The following NRG4 variants were observed in gnomAD, a reference collection of about 807,000 sequenced individuals.
The protein encoded by NRG4 is pro-neuregulin-4, membrane-bound isoform.
A neutral mutation model predicts 15.0 loss-of-function variants in NRG4; 10 were observed. The ratio of observed to expected loss-of-function variants is 0.67; its 90% CI spans 0.41 to 1.13. The LOEUF is 1.13. Among genes scored for constraint, NRG4 ranks in the 50% most tolerant of loss-of-function variants. NRG4 has a pLI of 0.00. For missense variants in NRG4, 139 were observed against 140.2 expected, an observed-to-expected ratio of 0.99 and a Z score of 0.04; for synonymous variants, 41 against 50.1, an observed-to-expected ratio of 0.82 and a Z score of 0.77.
chr15:75,982,454 G>C (rs2033643262), intron 3 of NRG4, among the ~76,000 whole-genome samples: 1 of 152,150 alleles, frequency 6.6e-6, no homozygotes, highest in African/African-American at 2.4e-5. Context: ...ACAATAAGTG[G>C]AATATGAGAG....
At chr15:75,958,603 C>G (rs1421008871) in intron 4 of NRG4, among the ~76,000 whole-genome samples, 2 of 152,146 alleles carry the variant, frequency 1.3e-5, no homozygotes, top group African/African-American at 4.8e-5. Flanking sequence ...CTTTTTACCC[C>G]CAGACATTCA....
At chr15:75,995,981 A>G (rs1254999227) in intron 3 of NRG4, among the ~76,000 whole-genome samples, 1 of 152,216 alleles carries the variant, frequency 6.6e-6, no homozygotes, top group African/African-American at 2.4e-5. Flanking sequence ...AGACTTTCAT[A>G]TTATATAATT....
chr15:75,961,800 C>A, intron 4 of NRG4, 28 bp downstream of exon 4: 1 of 1,562,474 alleles, frequency 6.4e-7, no homozygotes, highest in South Asian at 1.2e-5. Context: ...TATTACTTTT[C>A]TCAAAAGCAT....
intron 4 of NRG4, among the ~76,000 whole-genome samples, chr15:76,044,558 G>A (rs1270271324): frequency 3.3e-5 from 5 of 150,110 alleles, no homozygotes; most frequent in African/African-American, 2.5e-5. Context: ...TGAGTAGGCC[G>A]GGTGCAGTGG....
intron 2 of NRG4, among the ~76,000 whole-genome samples, chr15:76,056,169 C>T (rs1019597641): frequency 2.0e-5 from 3 of 152,072 alleles, no homozygotes; most frequent in South Asian, 2.1e-4. Flanking sequence ...ATTTAGCGGC[C>T]GGGCGCAGTG....
chr15:75,949,106 A>G (rs2031721984), intron 5 of NRG4, among the ~76,000 whole-genome samples: 1 of 152,176 alleles, frequency 6.6e-6, no homozygotes, highest in South Asian at 2.1e-4. Flanking sequence ...GAATTGTGCA[A>G]TCACCACCAC....
chr15:75,999,074 A>G (rs1309206539), intron 3 of NRG4, among the ~76,000 whole-genome samples: 1 of 152,222 alleles, frequency 6.6e-6, no homozygotes, highest in Non-Finnish European at 1.5e-5. Flanking sequence ...AACGGAGTCC[A>G]GTAAGAATTA....
At chr15:75,946,139 A>C (rs1048381471) in intron 5 of NRG4, among the ~76,000 whole-genome samples, 34 of 152,202 alleles carry the variant, frequency 2.2e-4, no homozygotes, top group African/African-American at 8.2e-4. Flanking sequence ...AAGATGATTC[A>C]CATCCTGAGT....
intron 1 of NRG4, among the ~76,000 whole-genome samples, chr15:76,011,566 T>C (rs1174930079): frequency 6.6e-6 from 1 of 152,174 alleles, no homozygotes; most frequent in Non-Finnish European, 1.5e-5. Flanking sequence ...AAAAGTCTAA[T>C]AAGGCTTTTT....
At chr15:76,032,295 C>T (rs1017571277) in intron 5 of NRG4, among the ~76,000 whole-genome samples, 1 of 151,976 alleles carries the variant, frequency 6.6e-6, no homozygotes, top group Non-Finnish European at 1.5e-5. Flanking sequence ...ACTCAGGGTA[C>T]ATCAGAAAAG....
chr15:75,983,082 C>T (rs558894313), intron 3 of NRG4, among the ~76,000 whole-genome samples: 1 of 152,118 alleles, frequency 6.6e-6, no homozygotes, highest in South Asian at 2.1e-4. Context: ...TCCAAAATCA[C>T]CAAGTATACA....
chr15:76,059,144 T>TG (rs995406116), intron 1 of NRG4, among the ~76,000 whole-genome samples: 2 of 152,058 alleles, frequency 1.3e-5, no homozygotes, highest in African/African-American at 4.8e-5. Flanking sequence ...GGAAAGGAGA[T>TG]GGGGACGTGT....
At chr15:75,975,194 A>AT (rs2033311092) in intron 3 of NRG4, among the ~76,000 whole-genome samples, 1 of 150,018 alleles carries the variant, frequency 6.7e-6, no homozygotes. Flanking sequence ...TTTTCTTTCC[A>AT]TTTGCTTGGT....
intron 4 of NRG4, among the ~76,000 whole-genome samples, chr15:76,049,206 T>TAC (rs150016024): frequency 0.011 from 1,611 of 150,686 alleles, 54 homozygotes; most frequent in Admixed American, 0.017. Context: ...CACACATACA[T>TAC]ACACACACAC....
At position 75,943,071 on chromosome 15, in the gene NRG4, GAGAC is replaced by G. The variant is rs1259418690; in HGVS notation, c.*563_*566del. ...TTTGGGTTTTTGTTTCTTCCTTTGA[GAGAC>G]AGATCCTTGAAATCAGTCACTTCTA... On this transcript the variant is annotated 3_prime_UTR_variant, in exon 6 of 6. Transcript: ENST00000394907. The G allele has an allele frequency of 1.3e-5, 2 of 152,110 alleles. No individual in the cohort carries two copies. The highest frequency in any genetic ancestry group is 2.4e-5 in the African/African-American group (1 of 41,400). 9.4% of individuals were successfully genotyped at this position (152,110 alleles called of 1,614,324 possible). A position where few individuals can be genotyped will look rare whatever the true frequency, so the allele number is the denominator to read the frequency against.
chr15:75,990,613 G>A (rs1056005020), intron 3 of NRG4, among the ~76,000 whole-genome samples: 1 of 150,448 alleles, frequency 6.6e-6, no homozygotes, highest in African/African-American at 2.4e-5. Flanking sequence ...ATATCTGTAG[G>A]TTCATCTGTA....
rs2031098962 is a variant in NRG4 at position 75,942,486 on chromosome 15, A to ACTT, written c.*1149_*1151dup. On this transcript the variant is annotated 3_prime_UTR_variant, in exon 6 of 6. Coordinates refer to ENST00000394907, the MANE Select transcript of NRG4 (RefSeq NM_138573.4). ...TGCTCAGTTTTTCTGAAAATCTAAAACTTCTAATAAAGTCTATTAAAATTA... is the reference window on the plus strand; with the variant it reads ...TGCTCAGTTTTTCTGAAAATCTAAAACTTCTTCTAATAAAGTCTATTAAAATTA... The ACTT allele has an allele frequency of 6.6e-6, 1 of 152,144 alleles. No homozygotes were observed. Among genetic ancestry groups the ACTT allele is most frequent in the South Asian group, 2.1e-4 (1 of 4,820 alleles). 9.4% of individuals were successfully genotyped at this position (152,144 alleles called of 1,614,324 possible).
chr15:75,952,531 G>A (rs1428554649), intron 5 of NRG4, among the ~76,000 whole-genome samples: 1 of 150,764 alleles, frequency 6.6e-6, no homozygotes, highest in Non-Finnish European at 1.5e-5. Flanking sequence ...TATAAATAAT[G>A]CTGCTATGTG....
chr15:76,040,901 G>C (rs959300227), intron 4 of NRG4, among the ~76,000 whole-genome samples: 10 of 152,094 alleles, frequency 6.6e-5, no homozygotes, highest in African/African-American at 2.4e-4. Flanking sequence ...CTCTAGCCTG[G>C]GTGACAAAGT....
Sources: gnomAD v4.1 joint callset for allele counts (sites outside exome capture counted in the v4.1 genomes callset) on GRCh38, gnomAD v4.1.1 for gene constraint, MANE v1.5 for transcripts, NCBI Gene and HGNC (gene_info 2026-07-23, HGNC 2026-07-21) for gene names.